Variants in CD70 observed in about 807,000 individuals in gnomAD.
CD70 encodes CD70 molecule, also known as CD70 antigen.
In CD70, 6 loss-of-function variants were observed where a neutral mutation model predicts 9.0. The ratio of observed to expected loss-of-function variants is 0.67; its 90% CI spans 0.37 to 1.32. The LOEUF is 1.32. Ranked by LOEUF, CD70 falls within the 40% of genes most tolerant of loss-of-function variation. The pLI is 0.02. For missense variants in CD70, 235 were observed against 258.7 expected (o/e 0.91, Z 0.63); for synonymous variants, 108 against 112.3 (o/e 0.96, Z 0.24).
chr19:6,588,407 A>T (rs186195394), intron 2 of CD70, among the ~76,000 whole-genome samples: 25 of 152,262 alleles, frequency 1.6e-4, no homozygotes, highest in Non-Finnish European at 2.4e-4. Flanking sequence ...AAGATATATC[A>T]GGGGTCAGAG....
chr19:6,585,423 C>T (rs918355280), downstream of CD70, among the ~76,000 whole-genome samples: 5 of 151,098 alleles, frequency 3.3e-5, no homozygotes, highest in Admixed American at 2.0e-4. Flanking sequence ...CGGCTCACTG[C>T]AGCCTTTGAC....
downstream of CD70, chr19:6,583,343 C>A (rs565313004): frequency 1.6e-5 from 11 of 701,098 alleles, no homozygotes; most frequent in Non-Finnish European, 2.6e-5. Flanking sequence ...GAAATGGGAA[C>A]AATGATGATT....
chr19:6,590,862 CT>C lies in CD70; in HGVS notation c.140del (p.Gln47ArgfsTer11). The C allele has an allele frequency of 6.2e-7, 1 of 1,613,314 alleles. No homozygotes were observed. Among genetic ancestry groups the C allele is most frequent in the Non-Finnish European group, 8.5e-7 (1 of 1,179,738 alleles). On this transcript the variant is annotated frameshift_variant, in exon 1 of 3. Coordinates refer to ENST00000245903, the MANE Select transcript of CD70 (RefSeq NM_001252.5). LOFTEE classifies it high-confidence loss of function. The surrounding 1 kb of genome is among the most constrained non-coding windows in gnomAD (Gnocchi z 5.3). Reference protein sequence around the residue: ...CIQRFAQAQQQLPLESLGWDV... With the variant: ...CIQRFAQAQQXLPLESLGWDV... ...TCACCCCAAGTGACTCGAGCGGCAG[CT>C]GCTGCTGAGCCTGTGCGAAGCGCTG...
At chr19:6,589,922 C>G (rs551210761) in intron 2 of CD70, among the ~76,000 whole-genome samples, 181 bp downstream of exon 2, 1 of 99,318 alleles carries the variant, frequency 1.0e-5, no homozygotes, top group South Asian at 4.1e-4. Context: ...GCCTCTCCCT[C>G]CCTCTCTGTC....
At chr19:6,585,248 CATT>C (rs1043856094), downstream of CD70, among the ~76,000 whole-genome samples, 37 of 151,896 alleles carry the variant, frequency 2.4e-4, no homozygotes, top group African/African-American at 8.5e-4. Flanking sequence ...CCTCCCAACT[CATT>C]AGGTATTTTG....
intron 2 of CD70, among the ~76,000 whole-genome samples, chr19:6,587,529 C>G (rs1462428868): frequency 6.6e-6 from 1 of 151,944 alleles, no homozygotes; most frequent in Non-Finnish European, 1.5e-5. Context: ...AGCGTGCGCA[C>G]GAGACAGCGC....
At chr19:6,588,828 G>T (rs1916085914) in intron 2 of CD70, among the ~76,000 whole-genome samples, 2 of 152,018 alleles carry the variant, frequency 1.3e-5, no homozygotes, top group Admixed American at 1.3e-4. Flanking sequence ...TCTCCTCCTC[G>T]GTAGGAGTGA....
chr19:6,588,390 G>C lies in CD70; in HGVS notation c.196+1713C>G, dbSNP rs562136329. Among the ~76,000 whole-genome samples the C allele has an allele frequency of 1.1e-3, 171 of 152,210 alleles. 1 individual carries two copies. Among genetic ancestry groups the C allele is most frequent in the African/African-American group, 3.9e-3 (160 of 41,546 alleles). On this transcript the variant is annotated intron_variant, in intron 2 of 2. Coordinates refer to ENST00000245903, the MANE Select transcript of CD70 (RefSeq NM_001252.5). ...GGAAAAATATGGCAAAGGCCGGGGA[G>C]GGGGGGAAGATATATCAGGGGTCAG...
chr19:6,583,678 C>T (rs182883871), downstream of CD70, among the ~76,000 whole-genome samples: 475 of 151,544 alleles, frequency 3.1e-3, 3 homozygotes, highest in Middle Eastern at 6.8e-3. Context: ...CCTGTCTCAG[C>T]CTCCCTAGTA....
At chr19:6,589,975 C>T (rs117703305) in intron 2 of CD70, 128 bp downstream of exon 2, 7,099 of 707,178 alleles carry the variant, frequency 0.01, 72 homozygotes, top group Non-Finnish European at 0.013. Flanking sequence ...CTATCTCTCC[C>T]TCCCTCTCTC....
chr19:6,590,826 T>A lies in CD70; in HGVS notation c.162+15A>T. ...CTCTCTATGTTTTCTTCCCAACTTT[T>A]CCATCTCAACTCACCCCAAGTGACT... On this transcript the variant is annotated intron_variant, in intron 1 of 2. Coordinates refer to ENST00000245903, the MANE Select transcript of CD70 (RefSeq NM_001252.5). The surrounding 1 kb of genome is among the most constrained non-coding windows in gnomAD (Gnocchi z 5.3). The A allele has an allele frequency of 4.4e-6, 7 of 1,608,492 alleles. No homozygotes were observed. Among genetic ancestry groups the A allele is most frequent in the Non-Finnish European group, 6.0e-6 (7 of 1,176,312 alleles).
At chr19:6,588,646 C>T (rs962063178) in intron 2 of CD70, among the ~76,000 whole-genome samples, 8 of 151,988 alleles carry the variant, frequency 5.3e-5, no homozygotes. Flanking sequence ...AGATACCACC[C>T]CCCCACCCGA....
downstream of CD70, chr19:6,583,480 T>C: frequency 1.6e-6 from 1 of 639,792 alleles, no homozygotes; most frequent in Non-Finnish European, 2.9e-6. Context: ...CAAAAAGCCC[T>C]GGAAATCAAG....
intron 2 of CD70, among the ~76,000 whole-genome samples, chr19:6,588,256 G>A (rs344587): frequency 0.76 from 115,464 of 152,130 alleles, 44,180 homozygotes; most frequent in South Asian, 0.81. Context: ...AGAAGAAAGA[G>A]CTGTCCTGTG....
chr19:6,582,880 T>G (rs1915945641), downstream of CD70, among the ~76,000 whole-genome samples: 1 of 152,184 alleles, frequency 6.6e-6, no homozygotes, highest in Non-Finnish European at 1.5e-5. Context: ...GTCACGCTGA[T>G]GTAAGTGGTG....
chr19:6,584,240 T>C (rs1455750718), downstream of CD70, among the ~76,000 whole-genome samples: 1 of 149,068 alleles, frequency 6.7e-6, no homozygotes, highest in East Asian at 2.0e-4. Flanking sequence ...CTAGGCGCGG[T>C]GGCTCACAAC....
At chr19:6,582,168 A>G (rs1915930136), downstream of CD70, among the ~76,000 whole-genome samples, 1 of 151,058 alleles carries the variant, frequency 6.6e-6, no homozygotes, top group African/African-American at 2.4e-5. Context: ...CGCGGGGACT[A>G]CAGGCGCACG....
rs1916121896 is a variant in CD70 at position 6,590,015 on chromosome 19, CTG to C, written c.196+86_196+87del. On this transcript the variant is annotated intron_variant, in intron 2 of 2. Coordinates refer to ENST00000245903, the MANE Select transcript of CD70 (RefSeq NM_001252.5). The surrounding 1 kb of genome is among the most constrained non-coding windows in gnomAD (Gnocchi z 5.3). ...CGTCTCTGTCTGTGTCTCTTTCTCT[CTG>C]TCTCTCCCCACTTGTCTTTCTACCT... 16 of 1,051,420 alleles carry C rather than the reference CTG, an allele frequency of 1.5e-5. No homozygotes were observed. The highest frequency in any genetic ancestry group is 4.1e-4 in the Middle Eastern group (2 of 4,868). The allele number at this position is 1,051,420 out of a possible 1,614,324, so 65.1% of individuals were successfully genotyped here.
chr19:6,582,174 G>A (rs1179380291), downstream of CD70, among the ~76,000 whole-genome samples: 5 of 150,924 alleles, frequency 3.3e-5, no homozygotes, highest in East Asian at 3.9e-4. Flanking sequence ...GACTACAGGC[G>A]CACGCTGCCA....
Sources: gnomAD v4.1 joint callset for allele counts (sites outside exome capture counted in the v4.1 genomes callset) on GRCh38, gnomAD v4.1.1 for gene constraint, Gnocchi (gnomAD v3.1) non-coding constraint, MANE v1.5 for transcripts, NCBI Gene and HGNC (gene_info 2026-07-23, HGNC 2026-07-21) for gene names.